FXR1: variants seen among roughly 807,000 people sequenced by gnomAD.
The protein encoded by FXR1 is RNA-binding protein FXR1.
Under a neutral mutation model 84.0 loss-of-function variants are expected in FXR1, and 15 were observed. That is an observed-to-expected ratio of 0.18 (90% CI 0.12 to 0.27). The LOEUF (loss-of-function observed/expected upper bound fraction) is 0.27, where lower values mean the gene tolerates loss of function less well. FXR1 is among the 10% of genes least tolerant of loss of function. The pLI, the probability that FXR1 is intolerant of heterozygous loss-of-function variation, is 1.00. For missense variants in FXR1, 480 were observed against 774.4 expected (o/e 0.62, Z 4.51); for synonymous variants, 245 against 250.7 (o/e 0.98, Z 0.21).
intron 3 of FXR1, among the ~76,000 whole-genome samples, chr3:180,936,755 C>A (rs1720571032): frequency 6.6e-6 from 1 of 151,998 alleles, no homozygotes; most frequent in Non-Finnish European, 1.5e-5. Flanking sequence ...CTCATGGCAC[C>A]CTGACATAAT....
chr3:180,914,040 A>G lies in FXR1; in HGVS notation c.51+1304A>G, dbSNP rs1717579161. On this transcript the variant is annotated intron_variant, in intron 1 of 16. Coordinates refer to ENST00000357559, the MANE Select transcript of FXR1 (RefSeq NM_005087.4). ...TGGTACCAGCATAATGGGGAATCAC[A>G]GCGTATAAAGGATCCCCCTAAGCTT... 4.6e-5 allele frequency among the ~76,000 whole-genome samples: 7 copies of G among 152,308 alleles called. No homozygotes were observed. The South Asian group carries it at 1.2e-3, about 27-fold the overall frequency.
intron 15 of FXR1, among the ~76,000 whole-genome samples, chr3:180,974,157 ATTC>A (rs1398800621): frequency 1.1e-5 from 1 of 89,854 alleles, no homozygotes; most frequent in Non-Finnish European, 2.1e-5. Flanking sequence ...CTAAGTTTCA[ATTC>A]TTTTTTTTTT....
At chr3:180,944,500 T>A (rs185810194) in intron 3 of FXR1, among the ~76,000 whole-genome samples, 51 of 151,692 alleles carry the variant, frequency 3.4e-4, no homozygotes, top group East Asian at 7.8e-4. Context: ...TAAAAAAAAA[T>A]TTTTTTTATA....
chr3:180,924,377 A>T (rs1231230167), intron 1 of FXR1, among the ~76,000 whole-genome samples: 1 of 152,182 alleles, frequency 6.6e-6, no homozygotes, highest in African/African-American at 2.4e-5. Flanking sequence ...CACACAGCGG[A>T]TGCCTTATTG....
intron 1 of FXR1, among the ~76,000 whole-genome samples, chr3:180,913,027 G>A (rs1401481660): frequency 1.3e-5 from 2 of 152,094 alleles, no homozygotes; most frequent in African/African-American, 4.8e-5. Context: ...CAACTGAGTG[G>A]CTGCTGGGCG....
chr3:180,912,859 G>T, intron 1 of FXR1, 123 bp downstream of exon 1: 1 of 1,556,526 alleles, frequency 6.4e-7, no homozygotes, highest in Non-Finnish European at 8.8e-7. Flanking sequence ...GCTCGAGGCC[G>T]CTGGATTCCT....
chr3:180,933,150 A>T, intron 1 of FXR1, 184 bp from the exon 2 acceptor site: 1 of 542,630 alleles, frequency 1.8e-6, no homozygotes, highest in East Asian at 3.2e-5. Context: ...AGGTTCAGAG[A>T]GGTTAAGTAA....
In FXR1 at chr3:180,912,712, C is replaced by T. The variant is rs1805578; in HGVS notation, c.27C>T (p.Arg9=). ...TGGCGGAGCTGACGGTGGAGGTTCG[C>T]GGCTCTAACGGGGCTTTCTACAAGG... is the stretch of plus-strand genomic sequence containing the variant. The part of the protein sequence containing the change: MAELTVEV[R]GSNGAFYKGF... Residue 9 remains arginine (R), a synonymous_variant, in exon 1 of 17, where the codon CGC becomes CGT. Transcript: ENST00000357559. 9,258 of 1,613,834 alleles carry T rather than the reference C, an allele frequency of 5.7e-3. 435 individuals carry two copies. In the African/African-American group the frequency reaches 0.11, roughly 18 times the overall value.
At chr3:180,967,554 A>G (rs1712992369) in intron 13 of FXR1, among the ~76,000 whole-genome samples, 1 of 151,944 alleles carries the variant, frequency 6.6e-6, no homozygotes, top group Admixed American at 6.6e-5. Context: ...ATATTGATAA[A>G]TGATGTTCTG....
At chr3:180,973,264 C>CT (rs1435756050) in intron 15 of FXR1, among the ~76,000 whole-genome samples, 12 of 152,290 alleles carry the variant, frequency 7.9e-5, no homozygotes, top group Admixed American at 2.6e-4. Context: ...CAGCTAAGTG[C>CT]TTGTTAATTT....
intron 1 of FXR1, among the ~76,000 whole-genome samples, chr3:180,931,040 A>G (rs1053923882): frequency 6.8e-6 from 1 of 146,618 alleles, no homozygotes; most frequent in African/African-American, 2.7e-5. Context: ...AAAAAAAAAA[A>G]AAAAAAAGAC....
intron 9 of FXR1, among the ~76,000 whole-genome samples, chr3:180,956,197 C>T (rs1410302353): frequency 6.6e-6 from 1 of 152,158 alleles, no homozygotes; most frequent in African/African-American, 2.4e-5. Flanking sequence ...TCCCACCCCT[C>T]CCAAATCAAA....
At chr3:180,931,736 T>TG (rs1435716071) in intron 1 of FXR1, among the ~76,000 whole-genome samples, 5 of 130,502 alleles carry the variant, frequency 3.8e-5, no homozygotes, top group East Asian at 2.3e-4. Flanking sequence ...TTAGTTGTTG[T>TG]GGGTTTTTTT....
At chr3:180,961,359 AAAAAAAAAGGT>A in intron 10 of FXR1, 98 bp from the exon 11 acceptor site, 2 of 424,570 alleles carry the variant, frequency 4.7e-6, no homozygotes, top group Non-Finnish European at 8.1e-6. Context: ...AAAAAAAAAA[AAAAAAAAAGGT>A]GTGTGTGTGT....
In FXR1 at chr3:180,978,387, T is replaced by C. The variant is rs1318459197; in HGVS notation, c.*2095T>C. On this transcript the variant is annotated 3_prime_UTR_variant, in exon 17 of 17. Coordinates refer to ENST00000357559, the MANE Select transcript of FXR1 (RefSeq NM_005087.4). The stretch of plus-strand genomic sequence containing the variant: ...TGACTAAACCCAATGTCTTGTCCTT[T>C]AAAAAATATAGGTAGTGCAGAATTG... 1 of 152,116 alleles carries C rather than the reference T, an allele frequency of 6.6e-6. No homozygotes were observed. Among genetic ancestry groups the C allele is most frequent in the Non-Finnish European group, 1.5e-5 (1 of 67,986 alleles). 9.4% of individuals were successfully genotyped at this position (152,116 alleles called of 1,614,324 possible).
intron 14 of FXR1, chr3:180,968,465 TTA>T: frequency 2.3e-6 from 1 of 426,100 alleles, no homozygotes; most frequent in Non-Finnish European, 4.2e-6. Flanking sequence ...GGTCAGAACT[TTA>T]GTTGGCAGCT....
At chr3:180,960,033 CTGAT>C (rs1220972705) in intron 10 of FXR1, among the ~76,000 whole-genome samples, 1 of 152,050 alleles carries the variant, frequency 6.6e-6, no homozygotes. Context: ...GACATGGAAA[CTGAT>C]TGGGGGAGTT....
intron 13 of FXR1, among the ~76,000 whole-genome samples, chr3:180,967,337 T>C (rs1310351715): frequency 6.6e-6 from 1 of 152,186 alleles, no homozygotes; most frequent in Non-Finnish European, 1.5e-5. Context: ...ATAAGAAATA[T>C]CTTGATTTCA....
At chr3:180,948,133 C>T (rs1721882801) in intron 4 of FXR1, 197 bp downstream of exon 4, 3 of 605,876 alleles carry the variant, frequency 5.0e-6, no homozygotes, top group Admixed American at 3.1e-5. Flanking sequence ...TCCAGAGGTA[C>T]ACCTCAAGCA....
Sources: gnomAD v4.1 joint callset for allele counts (sites outside exome capture counted in the v4.1 genomes callset) on GRCh38, gnomAD v4.1.1 for gene constraint, MANE v1.5 for transcripts, NCBI Gene and HGNC (gene_info 2026-07-23, HGNC 2026-07-21) for gene names.